CD300LF: variants seen among roughly 807,000 people sequenced by gnomAD.
CD300LF encodes the protein CD300 molecule like family member f.
In CD300LF, 27 loss-of-function variants were observed where a neutral mutation model predicts 32.2. The ratio of observed to expected loss-of-function variants is 0.84; its 90% CI spans 0.62 to 1.15. The LOEUF (loss-of-function observed/expected upper bound fraction) is 1.15. Ranked by LOEUF, CD300LF falls within the 50% of genes most tolerant of loss-of-function variation. CD300LF has a pLI of 0.00. For synonymous variants in CD300LF, 139 were observed against 143.2 expected (o/e 0.97, Z 0.21); for missense variants, 348 against 356.8 (o/e 0.98, Z 0.20).
chr17:74,700,308 G>A (rs1214373252), intron 3 of CD300LF, among the ~76,000 whole-genome samples: 1 of 152,038 alleles, frequency 6.6e-6, no homozygotes, highest in African/African-American at 2.4e-5. Context: ...CTTCACTCCA[G>A]CCTCACTTCC....
intron 1 of CD300LF, 50 bp from the exon 2 acceptor site, chr17:74,704,866 C>T (rs1302086461): frequency 1.4e-6 from 2 of 1,433,468 alleles, no homozygotes; most frequent in South Asian, 2.5e-5. Flanking sequence ...AAGGGCAGGG[C>T]CACAGCTTTC....
intron 4 of CD300LF, among the ~76,000 whole-genome samples, chr17:74,697,511 C>A (rs2032610732): frequency 6.6e-6 from 1 of 152,176 alleles, no homozygotes; most frequent in Admixed American, 6.5e-5. Flanking sequence ...AACAAACTAA[C>A]AGAGAGTCAG....
Position 74,698,356 on chromosome 17 carries a change from C to T in CD300LF, c.559+13G>A, listed in dbSNP as rs2032711954. ...GGCCCAGTCTCAGCCCAGCCTCACC[C>T]AGGTCCTCTCACCTTTCTGCTGGTA... On this transcript the variant is annotated intron_variant, in intron 4 of 6. Transcript: ENST00000326165. The T allele has an allele frequency of 3.8e-6, 6 of 1,590,360 alleles. No homozygotes were observed. Among genetic ancestry groups the T allele is most frequent in the Non-Finnish European group, 5.2e-6 (6 of 1,159,200 alleles).
At chr17:74,711,878 CTTTCTTTTTT>C (rs1462357592) in intron 1 of CD300LF, among the ~76,000 whole-genome samples, 1 of 149,152 alleles carries the variant, frequency 6.7e-6, no homozygotes, top group South Asian at 2.2e-4. Context: ...TTTTTGTTTT[CTTTCTTTTTT>C]TTTCTTTTTT....
At chr17:74,696,276 C>G in intron 4 of CD300LF, 59 bp from the exon 5 acceptor site, 3 of 1,551,718 alleles carry the variant, frequency 1.9e-6, no homozygotes, top group Non-Finnish European at 2.6e-6. Context: ...CACAAGAACC[C>G]CCAGGTCTAG....
At chr17:74,700,667 G>A (rs1419676036) in intron 3 of CD300LF, among the ~76,000 whole-genome samples, 2 of 151,972 alleles carry the variant, frequency 1.3e-5, no homozygotes, top group Admixed American at 6.6e-5. Context: ...CAGGAGAATC[G>A]CTTGAACCTG....
Position 74,696,296 on chromosome 17 carries a change from A to G in CD300LF, c.560-79T>C. 3.4e-6 allele frequency: 5 copies of G among 1,469,144 alleles called. No individual in the cohort carries two copies. In the South Asian group the frequency reaches 6.8e-5, roughly 20 times the overall value. 91.0% of individuals were successfully genotyped at this position (1,469,144 alleles called of 1,614,324 possible). ...GAACCCCCAGGTCTAGGGAAGAGAA[A>G]TATGGAAGAAAAGAGGTGAATTGGG... On this transcript the variant is annotated intron_variant, in intron 4 of 6. Coordinates refer to ENST00000326165, the MANE Select transcript of CD300LF (RefSeq NM_139018.5).
At chr17:74,700,193 TA>T (rs975357347) in intron 3 of CD300LF, among the ~76,000 whole-genome samples, 2 of 150,934 alleles carry the variant, frequency 1.3e-5, no homozygotes, top group African/African-American at 4.9e-5. Context: ...ACAATCAAAA[TA>T]AAATAAATAA....
At chr17:74,705,218 C>A (rs754229995) in intron 1 of CD300LF, 2 of 702,474 alleles carry the variant, frequency 2.8e-6, no homozygotes, top group East Asian at 2.7e-5. Context: ...ACTCTTAGCA[C>A]TGATGACCCT....
chr17:74,695,277 A>G lies in CD300LF; in HGVS notation c.718-26T>C. 1.9e-6 allele frequency: 3 copies of G among 1,612,744 alleles called. No individual in the cohort carries two copies. In the South Asian group the frequency reaches 3.3e-5, roughly 18 times the overall value. Reference sequence around the variant, plus strand: ...CTGCAGCAAAGGCGGGCTCCAGGTCAGAGAGGACGGCAGGAAGTGACGGTC... The same window carrying G: ...CTGCAGCAAAGGCGGGCTCCAGGTCGGAGAGGACGGCAGGAAGTGACGGTC... On this transcript the variant is annotated intron_variant, in intron 6 of 6. Coordinates refer to ENST00000326165, the MANE Select transcript of CD300LF (RefSeq NM_139018.5).
At chr17:74,704,418 C>A in intron 2 of CD300LF, 60 bp downstream of exon 2, 1 of 1,234,634 alleles carries the variant, frequency 8.1e-7, no homozygotes. Flanking sequence ...TGAGTAGGAC[C>A]TCAGAGACCA....
chr17:74,698,376 C>T lies in CD300LF; in HGVS notation c.552G>A (p.Gln184=). The change falls in exon 4 of 7, where the codon CAG becomes CAA. Residue 184 remains glutamine (Q), a synonymous_variant. Transcript: ENST00000326165. The part of the protein sequence containing the change: ...SLLAWRMMKY[Q]QKAAGMSPEQ... ...TCACCCAGGTCCTCTCACCTTTCTG[C>T]TGGTACTTCATCATCCTCCAAGCCA... The T allele has an allele frequency of 6.2e-7, 1 of 1,612,074 alleles. No individual in the cohort carries two copies. Among genetic ancestry groups the T allele is most frequent in the South Asian group, 1.1e-5 (1 of 90,998 alleles).
chr17:74,703,501 A>G (rs1391393528), intron 2 of CD300LF, among the ~76,000 whole-genome samples: 1 of 152,176 alleles, frequency 6.6e-6, no homozygotes, highest in Non-Finnish European at 1.5e-5. Context: ...ACAGGAGCAG[A>G]GTGGGAACTT....
chr17:74,696,044 C>A, intron 5 of CD300LF, 151 bp downstream of exon 5: 1 of 1,244,522 alleles, frequency 8.0e-7, no homozygotes, highest in South Asian at 1.4e-5. Flanking sequence ...TGTTTCCAGG[C>A]CCTCAGCCCC....
rs570521560 is a variant in CD300LF at position 74,708,915 on chromosome 17, C to CA, written c.43+3908dup. 2.8e-3 allele frequency among the ~76,000 whole-genome samples: 353 copies of CA among 125,114 alleles called. 1 individual carries two copies. Among genetic ancestry groups the CA allele is most frequent in the East Asian group, 8.0e-3 (34 of 4,270 alleles). The allele number at this position is 125,114 out of a possible 152,430, so 82.1% of individuals were successfully genotyped here. On this transcript the variant is annotated intron_variant, in intron 1 of 6. Coordinates refer to ENST00000326165, the MANE Select transcript of CD300LF (RefSeq NM_139018.5). ...TGGGCGACAGAGCAAGACTCCGTCT[C>CA]AAAAAAAAAAAGGAAAATCAATAAG...
chr17:74,699,597 G>A (rs1257746754), intron 3 of CD300LF, among the ~76,000 whole-genome samples: 2 of 152,050 alleles, frequency 1.3e-5, no homozygotes, highest in Admixed American at 6.6e-5. Flanking sequence ...GATCGCAGGC[G>A]CCCACCAGCA....
chr17:74,704,547 T>A lies in CD300LF; in HGVS notation c.313A>T (p.Thr105Ser). 6.2e-7 allele frequency: 1 copy of A among 1,614,178 alleles called. No individual in the cohort carries two copies. The highest frequency in any genetic ancestry group is 8.5e-7 in the Non-Finnish European group (1 of 1,180,034). ...GTTTTCTCAATTCCACACCAGTAAG[T>A]GTCAGCATCAGTTTTCATGAGATCC... ...MEDLMKTDAD[T>S]YWCGIEKTGN... The change falls in exon 2 of 7, where the codon ACT becomes TCT. Residue 105 changes from threonine (T) to serine (S), a missense_variant. By Grantham distance (58) the Thr-to-Ser change is moderately conservative. Coordinates refer to ENST00000326165, the MANE Select transcript of CD300LF (RefSeq NM_139018.5).
At chr17:74,696,280 G>A (rs2032468828) in intron 4 of CD300LF, 63 bp from the exon 5 acceptor site, 3 of 1,525,498 alleles carry the variant, frequency 2.0e-6, no homozygotes, top group Non-Finnish European at 1.8e-6. Flanking sequence ...AGAACCCCCA[G>A]GTCTAGGGAA....
At position 74,703,048 on chromosome 17, in the gene CD300LF, G is replaced by T; in HGVS notation, c.433C>A (p.His145Asn). The T allele has an allele frequency of 6.2e-7, 1 of 1,613,756 alleles. No homozygotes were observed. Among genetic ancestry groups the T allele is most frequent in the Non-Finnish European group, 8.5e-7 (1 of 1,179,668 alleles). The change falls in exon 3 of 7, where the codon CAC becomes AAC. Residue 145 changes from histidine (H) to asparagine (N), a missense_variant. By Grantham distance (68) the His-to-Asn change is moderately conservative. Coordinates refer to ENST00000326165, the MANE Select transcript of CD300LF (RefSeq NM_139018.5). ...GAGCTGGCTTACCTGTTGTCCAAGT[G>T]GTGGCCGGTCAGAGTTGGGGAGCTG... Reference protein sequence around the residue: ...TSSSPTLTGHHLDNRHKLLKL... With the variant: ...TSSSPTLTGHNLDNRHKLLKL...
Sources: gnomAD v4.1 joint callset for allele counts (sites outside exome capture counted in the v4.1 genomes callset) on GRCh38, gnomAD v4.1.1 for gene constraint, MANE v1.5 for transcripts, NCBI Gene and HGNC (gene_info 2026-07-23, HGNC 2026-07-21) for gene names.